The following SETD3 variants were observed in gnomAD, a reference collection of about 807,000 sequenced individuals.
SETD3 encodes the protein actin-histidine N-methyltransferase.
In SETD3, 19 loss-of-function variants were observed where a neutral mutation model predicts 63.0. The observed-to-expected ratio is 0.30, with a 90% CI of 0.21 to 0.44. SETD3 has a LOEUF of 0.44. SETD3 is among the 20% of genes least tolerant of loss of function. The pLI is 1.00. For synonymous variants in SETD3, 286 were observed against 264.1 expected, an observed-to-expected ratio of 1.08 and a Z score of -0.80; for missense variants, 587 against 728.5, an observed-to-expected ratio of 0.81 and a Z score of 2.24.
chr14:99,463,033 CTGT>C (rs1895160476), intron 3 of SETD3, among the ~76,000 whole-genome samples: 1 of 152,196 alleles, frequency 6.6e-6, no homozygotes, highest in Non-Finnish European at 1.5e-5. Flanking sequence ...TGCATACGTC[CTGT>C]AAAAACACAG....
At chr14:99,434,097 A>G (rs958095009) in intron 6 of SETD3, among the ~76,000 whole-genome samples, 11 of 152,264 alleles carry the variant, frequency 7.2e-5, no homozygotes, top group African/African-American at 2.7e-4. Context: ...ACAAGAAGAT[A>G]AACACAAGAT....
chr14:99,440,063 C>A (rs969261834), intron 6 of SETD3, among the ~76,000 whole-genome samples: 2 of 152,000 alleles, frequency 1.3e-5, no homozygotes, highest in African/African-American at 2.4e-5. Flanking sequence ...CCCACCCTGG[C>A]CTCCCAAAGT....
At chr14:99,474,915 T>C (rs1455792209) in intron 1 of SETD3, among the ~76,000 whole-genome samples, 1 of 152,242 alleles carries the variant, frequency 6.6e-6, no homozygotes, top group African/African-American at 2.4e-5. Flanking sequence ...ACAATAATTT[T>C]AGAAATAACT....
At chr14:99,481,524 T>C (rs1206283502), upstream of SETD3, 2 of 398,500 alleles carry the variant, frequency 5.0e-6, no homozygotes, top group Admixed American at 4.4e-5. Flanking sequence ...ACCTCCCGCG[T>C]ATCTGGAGGT....
At chr14:99,471,364 A>T (rs1383617751) in intron 1 of SETD3, among the ~76,000 whole-genome samples, 1 of 152,274 alleles carries the variant, frequency 6.6e-6, no homozygotes, top group Admixed American at 6.5e-5. Context: ...AACTATGATA[A>T]TTCTTAGAAG....
chr14:99,460,012 T>C (rs1894981390), intron 4 of SETD3, among the ~76,000 whole-genome samples: 1 of 152,196 alleles, frequency 6.6e-6, no homozygotes, highest in South Asian at 2.1e-4. Flanking sequence ...GCTCGGATCT[T>C]CTGGGCAGCA....
chr14:99,413,215 A>G, intron 7 of SETD3, 150 bp from the exon 8 acceptor site: 1 of 593,972 alleles, frequency 1.7e-6, no homozygotes, highest in Non-Finnish European at 3.0e-6. Flanking sequence ...CTTCATCATC[A>G]TTTAAAAACA....
At chr14:99,465,505 C>T (rs1245993906) in intron 2 of SETD3, among the ~76,000 whole-genome samples, 198 bp downstream of exon 2, 2 of 152,214 alleles carry the variant, frequency 1.3e-5, no homozygotes, top group Non-Finnish European at 2.9e-5. Flanking sequence ...TTAACAGCCA[C>T]ACAGTTCTGA....
intron 5 of SETD3, among the ~76,000 whole-genome samples, chr14:99,458,911 C>T (rs1894917293): frequency 6.6e-6 from 1 of 151,818 alleles, no homozygotes; most frequent in South Asian, 2.1e-4. Context: ...AAAGCGAGAC[C>T]CTATCTCAAA....
At chr14:99,471,464 A>G (rs1895701879) in intron 1 of SETD3, among the ~76,000 whole-genome samples, 2 of 152,248 alleles carry the variant, frequency 1.3e-5, no homozygotes, top group South Asian at 4.1e-4. Flanking sequence ...ACGCTTATGT[A>G]ATATCACACT....
chr14:99,452,046 C>T (rs1894492158), intron 6 of SETD3, among the ~76,000 whole-genome samples: 1 of 152,170 alleles, frequency 6.6e-6, no homozygotes, highest in Admixed American at 6.5e-5. Context: ...ACTCGTAAAG[C>T]CCAAGCCCCT....
rs564352853 is a variant in SETD3, at chr14:99,446,625, C to T, written c.675+11654G>A. On this transcript the variant is annotated intron_variant, in intron 6 of 12. Coordinates refer to ENST00000331768, the MANE Select transcript of SETD3 (RefSeq NM_032233.3). ...AGGTAAGGTGGGAGGCTAGGGAAAA[C>T]GTGCATCACTTTGCTGGACATCAGC... 2.0e-5 allele frequency among the ~76,000 whole-genome samples: 3 copies of T among 152,220 alleles called. No homozygotes were observed. In the South Asian group the frequency reaches 6.2e-4, roughly 32 times the overall value.
chr14:99,456,760 A>T (rs7144591), intron 6 of SETD3, among the ~76,000 whole-genome samples: 148,255 of 152,282 alleles, frequency 0.97, 72,283 homozygotes, highest in East Asian at 1. Context: ...CCATTGAAAA[A>T]CTCATCAAAT....
chr14:99,401,821 G>C (rs1184983316), intron 11 of SETD3, among the ~76,000 whole-genome samples: 2 of 152,186 alleles, frequency 1.3e-5, no homozygotes, highest in Non-Finnish European at 1.5e-5. Context: ...ATCTGCCCAA[G>C]TTGCACTCTG....
chr14:99,459,088 T>C (rs748673270), intron 5 of SETD3, 25 bp downstream of exon 5: 42 of 1,579,460 alleles, frequency 2.7e-5, no homozygotes, highest in Non-Finnish European at 4.3e-6. Context: ...GTGCTTTGCC[T>C]TGAAGAGTCA....
chr14:99,454,744 C>T (rs1358679048), intron 6 of SETD3, among the ~76,000 whole-genome samples: 1 of 105,812 alleles, frequency 9.5e-6, no homozygotes, highest in Non-Finnish European at 2.1e-5. Context: ...GCGCGGAGAC[C>T]GGCCCAAAAT....
At chr14:99,477,123 T>C (rs7161132) in intron 1 of SETD3, among the ~76,000 whole-genome samples, 149,866 of 152,278 alleles carry the variant, frequency 0.98, 73,786 homozygotes, top group East Asian at 1. Flanking sequence ...GATGTGTCTT[T>C]CATTGTCAAC....
At chr14:99,479,146 T>C (rs1281164977) in intron 1 of SETD3, among the ~76,000 whole-genome samples, 1 of 152,182 alleles carries the variant, frequency 6.6e-6, no homozygotes, top group African/African-American at 2.4e-5. Flanking sequence ...TTTTACTCCT[T>C]CAGACTACAG....
At chr14:99,413,854 C>T in intron 7 of SETD3, 22 bp downstream of exon 7, 2 of 1,613,214 alleles carry the variant, frequency 1.2e-6, no homozygotes, top group South Asian at 2.2e-5. Flanking sequence ...AATACACAGA[C>T]ACACTCACAG....
Sources: gnomAD v4.1 joint callset for allele counts (sites outside exome capture counted in the v4.1 genomes callset) on GRCh38, gnomAD v4.1.1 for gene constraint, MANE v1.5 for transcripts, NCBI Gene and HGNC (gene_info 2026-07-23, HGNC 2026-07-21) for gene names.